Variants in NELL2 observed in about 807,000 individuals in gnomAD.
NELL2 encodes neural EGFL like 2.
NELL2 carries 41 observed loss-of-function variants against 109.6 expected under a neutral mutation model. The observed-to-expected ratio is 0.37, with a 90% CI of 0.29 to 0.49. NELL2 has a LOEUF of 0.49. Ranked by LOEUF, NELL2 falls within the 20% of genes least tolerant of loss-of-function variation. The probability of loss-of-function intolerance (pLI) is 0.98; values close to 1 mark genes in which losing one functional copy is unlikely to be tolerated. For synonymous variants in NELL2, 355 were observed against 344.7 expected, an observed-to-expected ratio of 1.03 and a Z score of -0.33; for missense variants, 900 against 1,008.3, an observed-to-expected ratio of 0.89 and a Z score of 1.45.
Position 44,587,880 on chromosome 12 carries a change from A to G in NELL2, c.1663+19289T>C, listed in dbSNP as rs182155672. Among the ~76,000 whole-genome samples the G allele has an allele frequency of 1.9e-3, 293 of 152,198 alleles. 1 individual carries two copies. Among genetic ancestry groups the G allele is most frequent in the Admixed American group, 4.5e-3 (69 of 15,284 alleles). On this transcript the variant is annotated intron_variant, in intron 15 of 19. Coordinates refer to ENST00000429094, the MANE Select transcript of NELL2 (RefSeq NM_001145108.2). ...ATAAAAGTTGGTTTCGGTTGGGCGC[A>G]GTGGCTCACACCTGTAATCCCAGCA...
chr12:44,915,142 C>T (rs12099710), upstream of NELL2, among the ~76,000 whole-genome samples: 733 of 152,186 alleles, frequency 4.8e-3, 6 homozygotes, highest in African/African-American at 0.017. Context: ...TGAGCCACCG[C>T]GCCTGGCCAA....
At position 44,882,517 on chromosome 12, in the gene NELL2, C is replaced by G. The variant is rs139180242; in HGVS notation, c.39-6617G>C. On this transcript the variant is annotated intron_variant, in intron 1 of 20. Coordinates refer to the NELL2 transcript ENST00000333837. ...ATATACACACACACGCACACACACG[C>G]ACACATACATATATATCCTTATTTT... Among the ~76,000 whole-genome samples, 743 of 151,478 alleles carry G rather than the reference C, an allele frequency of 4.9e-3. 17 individuals are homozygous for G. The highest frequency in any genetic ancestry group is 0.017 in the African/African-American group (700 of 41,078).
chr12:44,604,329 C>T (rs1469586915), intron 15 of NELL2, among the ~76,000 whole-genome samples: 1 of 152,016 alleles, frequency 6.6e-6, no homozygotes, highest in Non-Finnish European at 1.5e-5. Context: ...TCAGAAGACC[C>T]AAGTTCTAGA....
intron 1 of NELL2, among the ~76,000 whole-genome samples, chr12:44,885,661 C>T (rs1477611401): frequency 1.3e-5 from 2 of 151,872 alleles, no homozygotes; most frequent in African/African-American, 4.8e-5. Context: ...GATCTACGTG[C>T]TCACAGATAC....
chr12:44,517,371 TTCTCTCTCTCTCTC>T (rs71093810), intron 19 of NELL2, among the ~76,000 whole-genome samples: 3,161 of 102,502 alleles, frequency 0.031, 128 homozygotes, highest in African/African-American at 0.099. Flanking sequence ...ACCAACTACT[TTCTCTCTCTCTCTC>T]TCTCTCTCTC....
chr12:44,679,223 T>G (rs1050939035), intron 12 of NELL2, among the ~76,000 whole-genome samples: 2 of 152,106 alleles, frequency 1.3e-5, no homozygotes, highest in African/African-American at 4.8e-5. Context: ...AAGTAAGGCA[T>G]GCTGGCTTAT....
chr12:44,647,296 C>A (rs1049923875), intron 13 of NELL2, among the ~76,000 whole-genome samples: 2 of 152,062 alleles, frequency 1.3e-5, no homozygotes, highest in Admixed American at 1.3e-4. Context: ...TTTTGCCTTC[C>A]CTAAAGTGAT....
At chr12:44,845,556 C>T (rs915781621) in intron 2 of NELL2, among the ~76,000 whole-genome samples, 4 of 152,194 alleles carry the variant, frequency 2.6e-5, no homozygotes, top group African/African-American at 9.7e-5. Context: ...TGGATGTTTC[C>T]ATGACACTAT....
chr12:44,857,449 A>G (rs1416740824), intron 2 of NELL2, among the ~76,000 whole-genome samples: 1 of 152,122 alleles, frequency 6.6e-6, no homozygotes, highest in Non-Finnish European at 1.5e-5. Flanking sequence ...ACAAAGATCC[A>G]CTTCACAGGA....
At chr12:44,672,942 A>G (rs1227806987) in intron 12 of NELL2, among the ~76,000 whole-genome samples, 1 of 152,160 alleles carries the variant, frequency 6.6e-6, no homozygotes, top group Non-Finnish European at 1.5e-5. Context: ...CATAAAGCAA[A>G]AACAAAAAGG....
chr12:44,569,221 T>C (rs1057033569), intron 15 of NELL2, among the ~76,000 whole-genome samples: 9 of 152,188 alleles, frequency 5.9e-5, no homozygotes, highest in African/African-American at 1.7e-4. Context: ...TCTCATTCTT[T>C]TTTATGGCGG....
At chr12:44,815,433 T>C (rs1015600807) in intron 3 of NELL2, among the ~76,000 whole-genome samples, 1 of 152,212 alleles carries the variant, frequency 6.6e-6, no homozygotes, top group Non-Finnish European at 1.5e-5. Context: ...AATTAAGAAG[T>C]ATGTTTGGCT....
At chr12:44,907,614 G>A (rs1374887445) in intron 1 of NELL2, among the ~76,000 whole-genome samples, 1 of 152,018 alleles carries the variant, frequency 6.6e-6, no homozygotes, top group African/African-American at 2.4e-5. Context: ...CAGTAAAGTA[G>A]GAAAATTCCT....
At chr12:44,742,721 A>T (rs1233221403) in intron 9 of NELL2, among the ~76,000 whole-genome samples, 1 of 152,212 alleles carries the variant, frequency 6.6e-6, no homozygotes, top group African/African-American at 2.4e-5. Context: ...GACAAAATGA[A>T]TGAAATGAAG....
intron 12 of NELL2, among the ~76,000 whole-genome samples, chr12:44,668,358 C>T (rs1228960506): frequency 6.6e-6 from 1 of 152,158 alleles, no homozygotes; most frequent in African/African-American, 2.4e-5. Context: ...TGTACCCATA[C>T]TTGCCTTTAG....
At chr12:44,815,535 C>A (rs979509005) in intron 3 of NELL2, among the ~76,000 whole-genome samples, 2 of 152,208 alleles carry the variant, frequency 1.3e-5, no homozygotes, top group Non-Finnish European at 2.9e-5. Context: ...AAAGCAGCAG[C>A]TCCTTCTGCT....
In NELL2 at chr12:44,788,929, G is replaced by GTT. The variant is rs1942280861; in HGVS notation, c.336-8908_336-8907insAA. On this transcript the variant is annotated intron_variant, in intron 3 of 19. Transcript: ENST00000429094. ...TAACAACCTTCATGACTCAGCAGAG[G>GTT]CAGCCATAATCCTCCTAGGTTCACA... Among the ~76,000 whole-genome samples, 6 of 152,096 alleles carry GTT rather than the reference G, an allele frequency of 3.9e-5. No individual in the cohort carries two copies. In the South Asian group the frequency reaches 8.3e-4, roughly 21 times the overall value.
intron 2 of NELL2, among the ~76,000 whole-genome samples, chr12:44,864,910 G>A (rs112833454): frequency 3.3e-5 from 5 of 150,256 alleles, no homozygotes; most frequent in Non-Finnish European, 1.5e-5. Flanking sequence ...GGGTCAAATG[G>A]TATTTCTAGT....
At chr12:44,734,735 G>A (rs1385445494) in intron 9 of NELL2, among the ~76,000 whole-genome samples, 1 of 151,792 alleles carries the variant, frequency 6.6e-6, no homozygotes, top group East Asian at 1.9e-4. Flanking sequence ...CTACTATAAT[G>A]TTATTGTTGT....
Sources: gnomAD v4.1 joint callset for allele counts (sites outside exome capture counted in the v4.1 genomes callset) on GRCh38, gnomAD v4.1.1 for gene constraint, MANE v1.5 for transcripts, NCBI Gene and HGNC (gene_info 2026-07-23, HGNC 2026-07-21) for gene names.